Variants in CTDSPL2 observed in about 807,000 individuals in gnomAD.
The protein encoded by CTDSPL2 is CTD small phosphatase like 2.
In CTDSPL2, 5 loss-of-function variants were observed where a neutral mutation model predicts 60.0. The ratio of observed to expected loss-of-function variants is 0.08; its 90% confidence interval spans 0.04 to 0.18. The LOEUF (loss-of-function observed/expected upper bound fraction) is 0.18, where lower values mean the gene tolerates loss of function less well. CTDSPL2 is among the 10% of genes least tolerant of loss of function. The pLI is 1.00. For missense variants in CTDSPL2, 370 were observed against 548.8 expected (o/e 0.67, Z 3.26); for synonymous variants, 186 against 189.3 (o/e 0.98, Z 0.14).
intron 7 of CTDSPL2, 45 bp from the exon 8 acceptor site, chr15:44,499,682 T>C: frequency 9.0e-7 from 1 of 1,116,852 alleles, no homozygotes; most frequent in East Asian, 2.4e-5. Context: ...CTTTGAAGTT[T>C]CTTTTACTAT....
chr15:44,468,611 G>T (rs1204458764), intron 2 of CTDSPL2, among the ~76,000 whole-genome samples: 1 of 152,014 alleles, frequency 6.6e-6, no homozygotes, highest in Admixed American at 6.6e-5. Flanking sequence ...AATATTTCAG[G>T]TAAGAAATAT....
intron 8 of CTDSPL2, among the ~76,000 whole-genome samples, chr15:44,512,830 C>T (rs1033331997): frequency 1.3e-5 from 2 of 152,022 alleles, no homozygotes; most frequent in Non-Finnish European, 2.9e-5. Flanking sequence ...GAGTGGCTCA[C>T]GCCTGTAATC....
intron 2 of CTDSPL2, among the ~76,000 whole-genome samples, chr15:44,466,776 C>G (rs1165496079): frequency 7.0e-6 from 1 of 143,326 alleles, no homozygotes; most frequent in African/African-American, 2.6e-5. Context: ...ACTAAAAATA[C>G]AAAAAAAAAA....
intron 8 of CTDSPL2, among the ~76,000 whole-genome samples, chr15:44,509,965 A>T (rs561552458): frequency 6.6e-6 from 1 of 151,882 alleles, no homozygotes; most frequent in Admixed American, 6.6e-5. Context: ...TGTAAAATTT[A>T]AATTTTGGTA....
chr15:44,517,085 A>G (rs1272542668), intron 10 of CTDSPL2, among the ~76,000 whole-genome samples: 2 of 150,866 alleles, frequency 1.3e-5, no homozygotes, highest in African/African-American at 4.9e-5. Context: ...TGATCCGCCC[A>G]CGTTGGCCTC....
chr15:44,503,046 C>T (rs1339494463), intron 8 of CTDSPL2, among the ~76,000 whole-genome samples: 2 of 151,962 alleles, frequency 1.3e-5, no homozygotes, highest in Non-Finnish European at 2.9e-5. Flanking sequence ...AGATCTATCT[C>T]AAATTAAAAT....
chr15:44,518,574 A>T (rs577550218), intron 10 of CTDSPL2: 4 of 152,370 alleles, frequency 2.6e-5, no homozygotes, highest in African/African-American at 9.6e-5. Context: ...CTCAAAAAAA[A>T]TAAGGAAATC....
intron 1 of CTDSPL2, among the ~76,000 whole-genome samples, chr15:44,445,687 G>A (rs2080197143): frequency 6.6e-6 from 1 of 151,312 alleles, no homozygotes; most frequent in Non-Finnish European, 1.5e-5. Flanking sequence ...GCCTGGGCTG[G>A]AGTGCAGTGG....
chr15:44,508,571 A>C (rs1027005087), intron 8 of CTDSPL2, among the ~76,000 whole-genome samples: 3 of 152,138 alleles, frequency 2.0e-5, no homozygotes, highest in African/African-American at 7.2e-5. Context: ...CTATTGCCAC[A>C]ATGTAGCAAT....
At chr15:44,522,473 C>T (rs545380637) in intron 12 of CTDSPL2, among the ~76,000 whole-genome samples, 1 of 152,274 alleles carries the variant, frequency 6.6e-6, no homozygotes, top group South Asian at 2.1e-4. Context: ...ATTAAATTGG[C>T]CGGGTGTGGT....
At chr15:44,478,909 G>T (rs1166475882) in intron 2 of CTDSPL2, among the ~76,000 whole-genome samples, 2 of 152,146 alleles carry the variant, frequency 1.3e-5, no homozygotes, top group African/African-American at 2.4e-5. Context: ...AACCCAGGAG[G>T]CGGAGCCACT....
chr15:44,503,450 CA>C, intron 8 of CTDSPL2: 1 of 152,166 alleles, frequency 6.6e-6, no homozygotes, highest in Non-Finnish European at 1.5e-5. Flanking sequence ...TCCACCAATT[CA>C]AGACTCTAGG....
At position 44,525,710 on chromosome 15, in the gene CTDSPL2, A is replaced by G; in HGVS notation, c.*1536A>G. The G allele has an allele frequency of 5.2e-6, 2 of 381,988 alleles. No homozygotes were observed. Among genetic ancestry groups the G allele is most frequent in the Non-Finnish European group, 9.3e-6 (2 of 215,718 alleles). The allele number at this position is 381,988 out of a possible 1,614,324, so 23.7% of individuals were successfully genotyped here. A position where few individuals can be genotyped will look rare whatever the true frequency, so the allele number is the denominator to read the frequency against. On this transcript the variant is annotated 3_prime_UTR_variant, in exon 13 of 13. Coordinates refer to ENST00000260327, the MANE Select transcript of CTDSPL2 (RefSeq NM_016396.3). ...AAATTACATGCAGCTTCATTTTCAA[A>G]TGAATCCTTAAAATAAGGAAATCTT...
intron 7 of CTDSPL2, among the ~76,000 whole-genome samples, chr15:44,497,632 A>G (rs1056323948): frequency 1.3e-5 from 2 of 152,110 alleles, no homozygotes; most frequent in Non-Finnish European, 2.9e-5. Context: ...GGCCTCCCAA[A>G]GTGTTGGAAT....
chr15:44,486,752 G>GATTTT, intron 4 of CTDSPL2, 52 bp downstream of exon 4: 1 of 989,586 alleles, frequency 1.0e-6, no homozygotes. Context: ...AAAATGCATA[G>GATTTT]TTTGGGTTTT....
At chr15:44,502,612 G>A (rs2081398254) in intron 8 of CTDSPL2, among the ~76,000 whole-genome samples, 1 of 152,106 alleles carries the variant, frequency 6.6e-6, no homozygotes, top group East Asian at 1.9e-4. Flanking sequence ...CCAGTACAAC[G>A]TTATATACAA....
intron 1 of CTDSPL2, among the ~76,000 whole-genome samples, chr15:44,428,470 T>C (rs1371010723): frequency 6.6e-6 from 1 of 152,240 alleles, no homozygotes; most frequent in Non-Finnish European, 1.5e-5. Flanking sequence ...AGTTCTGTGG[T>C]AAATAATTGC....
chr15:44,480,342 A>AT (rs2081003112), intron 2 of CTDSPL2, among the ~76,000 whole-genome samples: 2 of 151,994 alleles, frequency 1.3e-5, no homozygotes, highest in South Asian at 4.2e-4. Context: ...CTTGTTGCTT[A>AT]TTTCTGTTTT....
chr15:44,517,210 A>G (rs2140869281), intron 10 of CTDSPL2: 1 of 150,638 alleles, frequency 6.6e-6, no homozygotes. Flanking sequence ...GGTAGACTCT[A>G]AGAAATTCCT....
Sources: gnomAD v4.1 joint callset for allele counts (sites outside exome capture counted in the v4.1 genomes callset) on GRCh38, gnomAD v4.1.1 for gene constraint, MANE v1.5 for transcripts, NCBI Gene and HGNC (gene_info 2026-07-23, HGNC 2026-07-21) for gene names.